The following KHDRBS2 variants were observed in gnomAD, a reference collection of about 807,000 sequenced individuals.
The protein encoded by KHDRBS2 is KH RNA binding domain containing, signal transduction associated 2.
KHDRBS2 carries 26 observed loss-of-function variants against 44.3 expected under a neutral mutation model. The observed-to-expected ratio is 0.59, with a 90% CI of 0.43 to 0.81. The LOEUF is 0.81. Among genes scored for constraint, KHDRBS2 ranks in the 40% least tolerant of loss-of-function variants. The probability of loss-of-function intolerance (pLI) is 0.00; values close to 1 mark genes in which losing one functional copy is unlikely to be tolerated. For synonymous variants in KHDRBS2, 194 were observed against 151.1 expected (o/e 1.28, Z -2.08); for missense variants, 476 against 433.1 (o/e 1.10, Z -0.88).
chr6:61,545,501 C>CTGTGTGTGTGTGTGTGTGTGTGTGTG, the KHDRBS2 span, among the ~76,000 whole-genome samples: 5 of 148,444 alleles, frequency 3.4e-5, no homozygotes, highest in Middle Eastern at 3.5e-3. Flanking sequence ...TAGCTAATCT[C>CTGTGTGTGTGTGTGTGTGTGTGTGTG]TGTGTGTGTG....
intron 6 of KHDRBS2, among the ~76,000 whole-genome samples, chr6:61,776,747 A>G (rs1286900183): frequency 6.6e-6 from 1 of 152,228 alleles, no homozygotes; most frequent in Non-Finnish European, 1.5e-5. Flanking sequence ...TCAGGGATAT[A>G]GAACTAGAAA....
chr6:61,572,551 T>C, the KHDRBS2 span, among the ~76,000 whole-genome samples: 1 of 151,970 alleles, frequency 6.6e-6, no homozygotes, highest in Non-Finnish European at 1.5e-5. Context: ...CCCTGATGAA[T>C]ACAGATGCAA....
chr6:62,135,101 C>T (rs182726809), intron 2 of KHDRBS2, among the ~76,000 whole-genome samples: 3 of 152,194 alleles, frequency 2.0e-5, no homozygotes, highest in East Asian at 3.9e-4. Flanking sequence ...TTGGCTGTGT[C>T]CCAACCCAAA....
chr6:62,283,317 T>C (rs1275910060), intron 1 of KHDRBS2, among the ~76,000 whole-genome samples: 1 of 152,038 alleles, frequency 6.6e-6, no homozygotes, highest in African/African-American at 2.4e-5. Flanking sequence ...AACATCCAAC[T>C]AGTACTTTCA....
At chr6:62,116,254 A>G (rs1197931849) in intron 2 of KHDRBS2, among the ~76,000 whole-genome samples, 4 of 152,240 alleles carry the variant, frequency 2.6e-5, no homozygotes, top group African/African-American at 9.6e-5. Flanking sequence ...ATACATTATT[A>G]TTAACTATAG....
chr6:61,743,819 C>G (rs1173232466), intron 6 of KHDRBS2, among the ~76,000 whole-genome samples: 1 of 146,922 alleles, frequency 6.8e-6, no homozygotes, highest in Non-Finnish European at 1.5e-5. Context: ...GTGATGTTCC[C>G]CTTCCTGTGT....
chr6:62,166,983 T>C lies in KHDRBS2; in HGVS notation c.219+10202A>G, dbSNP rs144132392. 2.5e-3 allele frequency among the ~76,000 whole-genome samples: 384 copies of C among 152,228 alleles called. 4 individuals are homozygous for C. Among genetic ancestry groups the C allele is most frequent in the African/African-American group, 8.5e-3 (352 of 41,564 alleles). The stretch of plus-strand genomic sequence containing the variant: ...GAGGGCCATGAGATGAAAGATTTTT[T>C]GGCTGTCATGGGGCCCTAAAGAAAG... On this transcript the variant is annotated intron_variant, in intron 2 of 8. Transcript: ENST00000281156.
chr6:62,047,700 G>A lies in KHDRBS2; in HGVS notation c.336+178C>T, dbSNP rs377285995. The stretch of plus-strand genomic sequence containing the variant: ...CTTTCTGGAAAGAAAAAGAAGGGAG[G>A]CCAATAATTGATTTTTAGGAAGAGA... On this transcript the variant is annotated intron_variant, in intron 3 of 8. Transcript: ENST00000281156. Among the ~76,000 whole-genome samples, 17 of 151,810 alleles carry A rather than the reference G, an allele frequency of 1.1e-4. No individual in the cohort carries two copies. In the East Asian group the frequency reaches 1.2e-3, roughly 10 times the overall value.
rs79372600 is a variant in KHDRBS2 at position 61,837,955 on chromosome 6, G to A, written c.810+56680C>T. On this transcript the variant is annotated intron_variant, in intron 6 of 8. Coordinates refer to ENST00000281156, the MANE Select transcript of KHDRBS2 (RefSeq NM_152688.4). The stretch of plus-strand genomic sequence containing the variant: ...TAACTGAGAATTATCTTGAATCTTA[G>A]CAGTTGACAAAAAGATCCTCTTCTA... Among the ~76,000 whole-genome samples, 641 of 152,064 alleles carry A rather than the reference G, an allele frequency of 4.2e-3. 9 individuals carry two copies. Among genetic ancestry groups the A allele is most frequent in the African/African-American group, 0.015 (615 of 41,526 alleles).
At chr6:62,000,740 G>T (rs928609329) in intron 3 of KHDRBS2, among the ~76,000 whole-genome samples, 19 of 152,132 alleles carry the variant, frequency 1.2e-4, no homozygotes, top group African/African-American at 3.4e-4. Flanking sequence ...TCAGCAGAGA[G>T]GCGGTCTCAT....
chr6:62,002,322 AAAT>A (rs143842627), intron 3 of KHDRBS2, among the ~76,000 whole-genome samples: 83,999 of 151,422 alleles, frequency 0.55, 23,943 homozygotes, highest in Non-Finnish European at 0.61. Flanking sequence ...CTATTGCTTG[AAAT>A]AATAAAATAA....
At chr6:61,591,219 G>A in the KHDRBS2 span, among the ~76,000 whole-genome samples, 1 of 152,112 alleles carries the variant, frequency 6.6e-6, no homozygotes, top group African/African-American at 2.4e-5. Flanking sequence ...ATTATCATCA[G>A]TAGCAGGGAG....
chr6:62,239,512 G>A (rs1834239331), intron 1 of KHDRBS2, among the ~76,000 whole-genome samples: 1 of 151,988 alleles, frequency 6.6e-6, no homozygotes, highest in Non-Finnish European at 1.5e-5. Context: ...GGCGGACGTT[G>A]CCGTGAGCCA....
At chr6:62,115,073 G>T (rs1403937655) in intron 2 of KHDRBS2, among the ~76,000 whole-genome samples, 4 of 152,126 alleles carry the variant, frequency 2.6e-5, no homozygotes, top group African/African-American at 4.8e-5. Flanking sequence ...GAGTGACTAA[G>T]TTGGAGTATT....
At chr6:61,879,709 T>G (rs372564086) in intron 6 of KHDRBS2, among the ~76,000 whole-genome samples, 2 of 152,072 alleles carry the variant, frequency 1.3e-5, no homozygotes. Flanking sequence ...TGCTGCTAAC[T>G]GTATGTACTA....
At chr6:61,863,436 A>G (rs1199135354) in intron 6 of KHDRBS2, among the ~76,000 whole-genome samples, 2 of 151,918 alleles carry the variant, frequency 1.3e-5, no homozygotes, top group South Asian at 2.1e-4. Flanking sequence ...AGTACTATAC[A>G]TTTCCTTCTT....
chr6:61,955,744 GTAGA>G (rs71676700), intron 4 of KHDRBS2, among the ~76,000 whole-genome samples: 58,626 of 139,784 alleles, frequency 0.42, 14,887 homozygotes, highest in Admixed American at 0.47. Context: ...AGAGAGAGAG[GTAGA>G]CAGACAGAGA....
chr6:61,555,833 G>C, the KHDRBS2 span, among the ~76,000 whole-genome samples: 1 of 152,154 alleles, frequency 6.6e-6, no homozygotes, highest in African/African-American at 2.4e-5. Context: ...TAACTTGGGG[G>C]CCTGTTATCT....
intron 3 of KHDRBS2, among the ~76,000 whole-genome samples, chr6:62,044,936 C>G (rs563489153): frequency 2.6e-5 from 4 of 152,154 alleles, no homozygotes; most frequent in African/African-American, 9.6e-5. Flanking sequence ...TGTCCTTGGA[C>G]ATATTACATT....
Sources: gnomAD v4.1 joint callset for allele counts (sites outside exome capture counted in the v4.1 genomes callset) on GRCh38, gnomAD v4.1.1 for gene constraint, MANE v1.5 for transcripts, NCBI Gene and HGNC (gene_info 2026-07-23, HGNC 2026-07-21) for gene names.